ZFHX3: variants seen among roughly 807,000 people sequenced by gnomAD.
ZFHX3 encodes the protein zinc finger homeobox 3, also known as zinc finger homeobox protein 3.
Under a neutral mutation model 279.1 loss-of-function variants are expected in ZFHX3, and 42 were observed. That is an observed-to-expected ratio of 0.15 (90% CI 0.12 to 0.19). The LOEUF (loss-of-function observed/expected upper bound fraction) is 0.19, where lower values mean the gene tolerates loss of function less well. ZFHX3 is among the 10% of genes least tolerant of loss of function. The pLI is 1.00. For synonymous variants in ZFHX3, 2,293 were observed against 1,957.8 expected (o/e 1.17, Z -4.52); for missense variants, 4,981 against 4,754.0 (o/e 1.05, Z -1.40).
intron 2 of ZFHX3, among the ~76,000 whole-genome samples, chr16:73,592,010 T>C (rs891037234): frequency 2.0e-5 from 3 of 151,926 alleles, no homozygotes; most frequent in Admixed American, 2.0e-4. Flanking sequence ...GGTGGGGAGA[T>C]CACCTGAGGT....
At chr16:73,293,745 G>T (rs1310576281) in intron 4 of ZFHX3, 2 of 152,234 alleles carry the variant, frequency 1.3e-5, no homozygotes, top group Non-Finnish European at 2.9e-5. Flanking sequence ...GCAGCACAGG[G>T]CAAGGTGATT....
chr16:73,671,181 T>A (rs1405835806), intron 2 of ZFHX3, among the ~76,000 whole-genome samples: 1 of 152,224 alleles, frequency 6.6e-6, no homozygotes, highest in East Asian at 1.9e-4. Context: ...TTCCAAGACT[T>A]CTGGGGAGAA....
intron 1 of ZFHX3, among the ~76,000 whole-genome samples, chr16:73,798,534 C>T (rs1461900909): frequency 3.3e-5 from 5 of 151,462 alleles, no homozygotes; most frequent in African/African-American, 1.2e-4. Context: ...TAAATTCTCC[C>T]GTCTTCCCAA....
chr16:73,556,841 A>T (rs543294770), intron 2 of ZFHX3, among the ~76,000 whole-genome samples: 1 of 151,938 alleles, frequency 6.6e-6, no homozygotes, highest in Non-Finnish European at 1.5e-5. Flanking sequence ...CATGCCTGTA[A>T]TCCCAGCACT....
chr16:73,251,078 T>A (rs1037914351), intron 5 of ZFHX3, among the ~76,000 whole-genome samples: 1 of 152,164 alleles, frequency 6.6e-6, no homozygotes, highest in African/African-American at 2.4e-5. Flanking sequence ...AGTTGTCCAG[T>A]AGCAGAAGCT....
intron 3 of ZFHX3, among the ~76,000 whole-genome samples, chr16:72,891,228 T>C (rs989396343): frequency 3.0e-4 from 45 of 152,342 alleles, no homozygotes; most frequent in African/African-American, 1.1e-3. Context: ...GATGGTCAGA[T>C]GGTCCAAATT....
chr16:73,011,127 A>G (rs1190533827), intron 1 of ZFHX3, among the ~76,000 whole-genome samples: 1 of 151,902 alleles, frequency 6.6e-6, no homozygotes, highest in Non-Finnish European at 1.5e-5. Context: ...GACTACAGGC[A>G]TGCACCACCA....
At position 72,797,123 on chromosome 16, in the gene ZFHX3, C is replaced by T. The variant is rs1412363009; in HGVS notation, c.5559G>A (p.Gln1853=). The change falls in exon 9 of 10, where the codon CAG becomes CAA. Residue 1853 remains glutamine, a synonymous_variant. Coordinates refer to ENST00000268489, the MANE Select transcript of ZFHX3 (RefSeq NM_006885.4). ...GGGCTATAGAGAGTTGGTTCTGCTGCTGCTGCGGCAAGATCTGCTGATGGC... is the reference window on the plus strand; with the variant it reads ...GGGCTATAGAGAGTTGGTTCTGCTGTTGCTGCGGCAAGATCTGCTGATGGC... ...QQSHQQILPQ[Q]QQNQLSIAQS... is the part of the protein sequence containing the mutation. The T allele has an allele frequency of 6.2e-7, 1 of 1,613,820 alleles. No homozygotes were observed. Among genetic ancestry groups the T allele is most frequent in the Non-Finnish European group, 8.5e-7 (1 of 1,180,008 alleles).
Position 72,959,380 on chromosome 16 carries a change from C to A in ZFHX3, c.766G>T (p.Val256Leu). 6.2e-7 allele frequency: 1 copy of A among 1,614,206 alleles called. No individual in the cohort carries two copies. The highest frequency in any genetic ancestry group is 2.2e-5 in the East Asian group (1 of 44,878). The change falls in exon 2 of 10, where the codon GTA becomes TTA. Residue 256 changes from valine to leucine, a missense_variant. Transcript: ENST00000268489. ...NSDGSAKSSCVSKDVPNNVDL... is the reference protein window; with the variant it reads ...NSDGSAKSSCLSKDVPNNVDL... ...ACATTGTTGGGAACATCTTTGGATA[C>A]GCAGGAGCTTTTGGCAGAACCGTCG...
chr16:72,795,644 G>A lies in ZFHX3; in HGVS notation c.7038C>T (p.His2346=). ...VFQRIFDLIK[H]QKKLCYKDED... is the part of the protein sequence containing the mutation. ...CATCCTTGTAACACAGCTTCTTCTGGTGCTTGATGAGATCAAAGATGCGCT... is the reference window on the plus strand; with the variant it reads ...CATCCTTGTAACACAGCTTCTTCTGATGCTTGATGAGATCAAAGATGCGCT... Residue 2346 remains histidine (H), a synonymous_variant, in exon 9 of 10, where the codon CAC becomes CAT. Coordinates refer to ENST00000268489, the MANE Select transcript of ZFHX3 (RefSeq NM_006885.4). 1 of 1,613,810 alleles carries A rather than the reference G, an allele frequency of 6.2e-7. No individual in the cohort carries two copies. The highest frequency in any genetic ancestry group is 8.5e-7 in the Non-Finnish European group (1 of 1,179,936).
At chr16:73,763,420 G>A (rs948333193) in intron 1 of ZFHX3, among the ~76,000 whole-genome samples, 1 of 152,178 alleles carries the variant, frequency 6.6e-6, no homozygotes, top group Non-Finnish European at 1.5e-5. Flanking sequence ...CCATTTATGT[G>A]AACTCACAAA....
At chr16:73,223,910 GA>G (rs2012505321) in intron 5 of ZFHX3, among the ~76,000 whole-genome samples, 1 of 152,158 alleles carries the variant, frequency 6.6e-6, no homozygotes, top group Admixed American at 6.5e-5. Context: ...ATTACTAAGT[GA>G]AAAAAGCCAG....
At chr16:73,569,073 G>C (rs1255341818) in intron 2 of ZFHX3, among the ~76,000 whole-genome samples, 1 of 152,130 alleles carries the variant, frequency 6.6e-6, no homozygotes, top group African/African-American at 2.4e-5. Flanking sequence ...ATGTGGAAGG[G>C]GAATAGAGAG....
At chr16:73,879,050 C>T (rs1435772556) in intron 1 of ZFHX3, among the ~76,000 whole-genome samples, 1 of 150,918 alleles carries the variant, frequency 6.6e-6, no homozygotes, top group Non-Finnish European at 1.5e-5. Flanking sequence ...TAATTTCCAG[C>T]GAAAGCCTCT....
chr16:73,749,164 A>T (rs919025013), intron 1 of ZFHX3, among the ~76,000 whole-genome samples: 1 of 152,070 alleles, frequency 6.6e-6, no homozygotes, highest in Non-Finnish European at 1.5e-5. Flanking sequence ...ACCACTTCCC[A>T]CATGCACTTT....
chr16:72,913,662 T>G (rs1597372772), intron 3 of ZFHX3, among the ~76,000 whole-genome samples: 1 of 152,164 alleles, frequency 6.6e-6, no homozygotes, highest in African/African-American at 2.4e-5. Context: ...AAAGAGTCAC[T>G]AAGCCCAGCC....
rs75057728 is a variant in ZFHX3, at chr16:72,976,367, A to G, written c.-49-16173T>C. ...AATGGGGCCAATTTCTTTGACTTCAATAACACAGAGGCTACTGGGGTTCCA... is the reference window on the plus strand; with the variant it reads ...AATGGGGCCAATTTCTTTGACTTCAGTAACACAGAGGCTACTGGGGTTCCA... On this transcript the variant is annotated intron_variant, in intron 1 of 9. Coordinates refer to ENST00000268489, the MANE Select transcript of ZFHX3 (RefSeq NM_006885.4). 2.0e-3 allele frequency among the ~76,000 whole-genome samples: 310 copies of G among 152,320 alleles called. 1 individual carries two copies. Among genetic ancestry groups the G allele is most frequent in the African/African-American group, 7.1e-3 (295 of 41,576 alleles).
At position 72,787,743 on chromosome 16, in the gene ZFHX3, A is replaced by ACCGCCGCCG. The variant is rs762513291; in HGVS notation, c.10524_10532dup (p.Gly3510_Gly3512dup). The stretch of plus-strand genomic sequence containing the variant: ...CACCGCCGCCGCCGCCGCCACTGCC[A>ACCGCCGCCG]CCGCCGCCGCCGCCGGTGGGGACGT... On this transcript the variant is annotated inframe_insertion, in exon 10 of 10. Coordinates refer to ENST00000268489, the MANE Select transcript of ZFHX3 (RefSeq NM_006885.4). 41 of 1,375,958 alleles carry ACCGCCGCCG rather than the reference A, an allele frequency of 3.0e-5. No individual in the cohort carries two copies. The highest frequency in any genetic ancestry group is 3.8e-5 in the Non-Finnish European group (40 of 1,051,956). The allele number at this position is 1,375,958 out of a possible 1,614,324, so 85.2% of individuals were successfully genotyped here.
intron 3 of ZFHX3, among the ~76,000 whole-genome samples, chr16:73,348,615 T>C (rs868375169): frequency 6.6e-6 from 1 of 152,250 alleles, no homozygotes; most frequent in South Asian, 2.1e-4. Flanking sequence ...GATGGACTGA[T>C]CTTCGCAGGT....
Sources: gnomAD v4.1 joint callset for allele counts (sites outside exome capture counted in the v4.1 genomes callset) on GRCh38, gnomAD v4.1.1 for gene constraint, MANE v1.5 for transcripts, NCBI Gene and HGNC (gene_info 2026-07-23, HGNC 2026-07-21) for gene names.